The following KSR1 variants were observed in gnomAD, a reference collection of about 807,000 sequenced individuals.
The protein encoded by KSR1 is kinase suppressor of ras 1.
KSR1 carries 35 observed loss-of-function variants against 92.9 expected under a neutral mutation model. That is an observed-to-expected ratio of 0.38 (90% CI 0.29 to 0.50). The LOEUF (loss-of-function observed/expected upper bound fraction) is 0.50, where lower values mean the gene tolerates loss of function less well. Ranked by LOEUF, KSR1 falls within the 20% of genes least tolerant of loss-of-function variation. The pLI, the probability that KSR1 is intolerant of heterozygous loss-of-function variation, is 0.94. For synonymous variants in KSR1, 467 were observed against 472.6 expected (o/e 0.99, Z 0.15); for missense variants, 972 against 1,158.5 (o/e 0.84, Z 2.34).
chr17:27,613,944 A>G (rs920097046), intron 18 of KSR1, among the ~76,000 whole-genome samples: 10 of 152,148 alleles, frequency 6.6e-5, no homozygotes, highest in Non-Finnish European at 8.8e-5. Context: ...TGGGATTACA[A>G]GCATGCACCA....
intron 1 of KSR1, among the ~76,000 whole-genome samples, chr17:27,520,657 C>T (rs1567787397): frequency 6.6e-6 from 1 of 152,226 alleles, no homozygotes; most frequent in Admixed American, 6.5e-5. Flanking sequence ...CCCCTTTGTC[C>T]GGACGAGGCC....
chr17:27,495,610 A>G (rs762243374), intron 1 of KSR1, among the ~76,000 whole-genome samples: 10 of 152,282 alleles, frequency 6.6e-5, no homozygotes, highest in Admixed American at 6.5e-5. Flanking sequence ...TCTGTGAGCA[A>G]TGTTGTCCAG....
At chr17:27,580,991 T>A (rs990414284) in intron 3 of KSR1, among the ~76,000 whole-genome samples, 1 of 152,124 alleles carries the variant, frequency 6.6e-6, no homozygotes, top group African/African-American at 2.4e-5. Flanking sequence ...GGTCTCGAAC[T>A]CCTGACCTGG....
At chr17:27,470,115 G>A (rs1357170919) in intron 1 of KSR1, among the ~76,000 whole-genome samples, 1 of 151,034 alleles carries the variant, frequency 6.6e-6, no homozygotes, top group Non-Finnish European at 1.5e-5. Flanking sequence ...GAGTGCAGTG[G>A]TGTGATCTCA....
At chr17:27,565,899 T>TC (rs2151126448) in intron 2 of KSR1, among the ~76,000 whole-genome samples, 1 of 152,318 alleles carries the variant, frequency 6.6e-6, no homozygotes, top group East Asian at 1.9e-4. Flanking sequence ...TTGCATGGAC[T>TC]CCAGTTCACG....
rs1320566878 is a variant in KSR1, at chr17:27,625,562, C to G, written c.*2170C>G. 1 of 152,260 alleles carries G rather than the reference C, an allele frequency of 6.6e-6. No individual in the cohort carries two copies. The allele number at this position is 152,260 out of a possible 1,614,324, so 9.4% of individuals were successfully genotyped here. A position where few individuals can be genotyped will look rare whatever the true frequency, so the allele number is the denominator to read the frequency against. The stretch of plus-strand genomic sequence containing the variant: ...ACTGAAGGACTGGGGGCAGCTGGCT[C>G]TCAGCCTGCCACCTCTGCACTGCCT... On this transcript the variant is annotated 3_prime_UTR_variant, in exon 21 of 21. Transcript: ENST00000644974.
At chr17:27,576,679 G>A (rs566033594) in intron 2 of KSR1, among the ~76,000 whole-genome samples, 4 of 152,166 alleles carry the variant, frequency 2.6e-5, no homozygotes, top group South Asian at 4.1e-4. Flanking sequence ...GCTGGATGGC[G>A]CAAGATTTCA....
intron 6 of KSR1, among the ~76,000 whole-genome samples, chr17:27,589,695 T>C (rs887000186): frequency 1.3e-5 from 2 of 152,230 alleles, no homozygotes; most frequent in Non-Finnish European, 2.9e-5. Flanking sequence ...CCCCACCCTG[T>C]GGACCAGCCT....
chr17:27,460,260 A>T (rs1434721522), intron 1 of KSR1, among the ~76,000 whole-genome samples: 1 of 152,128 alleles, frequency 6.6e-6, no homozygotes, highest in African/African-American at 2.4e-5. Context: ...ATTCCTTTGA[A>T]TCTGCCCAGC....
intron 1 of KSR1, among the ~76,000 whole-genome samples, chr17:27,466,483 C>T (rs2019702739): frequency 6.6e-6 from 1 of 152,208 alleles, no homozygotes; most frequent in Non-Finnish European, 1.5e-5. Context: ...TTTGCACTTC[C>T]TGCCTCCTCC....
chr17:27,600,629 A>C (rs2073522669), intron 10 of KSR1, among the ~76,000 whole-genome samples: 1 of 152,176 alleles, frequency 6.6e-6, no homozygotes, highest in African/African-American at 2.4e-5. Flanking sequence ...CACCACAGAC[A>C]CGTGAGGAAT....
chr17:27,609,087 C>T, intron 15 of KSR1, 109 bp from the exon 16 acceptor site: 1 of 1,271,560 alleles, frequency 7.9e-7, no homozygotes. Flanking sequence ...GGACAATATA[C>T]TGCATGGAAT....
chr17:27,597,456 T>G lies in KSR1; in HGVS notation c.1468+20T>G. 6.3e-7 allele frequency: 1 copy of G among 1,586,558 alleles called. No individual in the cohort carries two copies. Among genetic ancestry groups the G allele is most frequent in the Non-Finnish European group, 8.6e-7 (1 of 1,164,412 alleles). On this transcript the variant is annotated intron_variant, in intron 10 of 20. Coordinates refer to ENST00000644974, the MANE Select transcript of KSR1 (RefSeq NM_001394583.1). ...TCCCAGGTACCACATCTCCAGGCTT[T>G]TCTGGGTTCTAAGGGATACAGTCAG...
chr17:27,528,185 GCCTCC>G (rs1254384064), intron 1 of KSR1, among the ~76,000 whole-genome samples: 1 of 152,062 alleles, frequency 6.6e-6, no homozygotes, highest in Non-Finnish European at 1.5e-5. Context: ...TTGTTCCTTA[GCCTCC>G]TGAGTAGCTG....
chr17:27,477,901 T>C (rs1470742667), intron 1 of KSR1, among the ~76,000 whole-genome samples: 2 of 152,076 alleles, frequency 1.3e-5, no homozygotes, highest in Non-Finnish European at 2.9e-5. Context: ...TTTGTAAAGA[T>C]GAGGTCTCAC....
chr17:27,617,588 C>T (rs2074099798), intron 19 of KSR1, 160 bp downstream of exon 19: 5 of 774,632 alleles, frequency 6.5e-6, no homozygotes, highest in Admixed American at 2.8e-5. Context: ...AGTGCAGTGG[C>T]ACGATCTCAG....
intron 1 of KSR1, among the ~76,000 whole-genome samples, chr17:27,545,752 G>A (rs1023430026): frequency 1.3e-5 from 2 of 152,196 alleles, no homozygotes; most frequent in Non-Finnish European, 2.9e-5. Flanking sequence ...CCTTGTAGGC[G>A]GAGAGTCACT....
chr17:27,603,596 GCCCAGAGCCCCTT>G (rs948633099), intron 11 of KSR1, among the ~76,000 whole-genome samples: 3 of 152,128 alleles, frequency 2.0e-5, no homozygotes, highest in Non-Finnish European at 4.4e-5. Context: ...CAGAGCCCCT[GCCCAGAGCCCCTT>G]CCTGAGACAC....
intron 1 of KSR1, among the ~76,000 whole-genome samples, chr17:27,473,266 G>T (rs1315095036): frequency 6.6e-6 from 1 of 152,204 alleles, no homozygotes. Flanking sequence ...CTTGGGTCTT[G>T]TTCAGGGCAG....
Sources: gnomAD v4.1 joint callset for allele counts (sites outside exome capture counted in the v4.1 genomes callset) on GRCh38, gnomAD v4.1.1 for gene constraint, MANE v1.5 for transcripts, NCBI Gene and HGNC (gene_info 2026-07-23, HGNC 2026-07-21) for gene names.